Variants in GPC6 observed in about 807,000 individuals in gnomAD.
GPC6 encodes glypican-6.
Under a neutral mutation model 55.2 loss-of-function variants are expected in GPC6, and 14 were observed. That is an observed-to-expected ratio of 0.25 (90% CI 0.17 to 0.40). The LOEUF (loss-of-function observed/expected upper bound fraction) is 0.40, where lower values mean the gene tolerates loss of function less well. Ranked by LOEUF, GPC6 falls within the 10% of genes least tolerant of loss-of-function variation. The probability of loss-of-function intolerance (pLI) is 1.00; values close to 1 mark genes in which losing one functional copy is unlikely to be tolerated. For synonymous variants in GPC6, 278 were observed against 259.6 expected, an observed-to-expected ratio of 1.07 and a Z score of -0.68; for missense variants, 641 against 708.5, an observed-to-expected ratio of 0.90 and a Z score of 1.08.
chr13:94,372,985 A>G, intron 6 of GPC6, among the ~76,000 whole-genome samples: 2 of 152,204 alleles, frequency 1.3e-5, no homozygotes. Flanking sequence ...GTATTCCAAC[A>G]GACCTGCAGC....
At chr13:93,236,209 T>A (rs1358922878) in intron 1 of GPC6, among the ~76,000 whole-genome samples, 1 of 152,188 alleles carries the variant, frequency 6.6e-6, no homozygotes, top group Admixed American at 6.5e-5. Context: ...GCTTAGCTAA[T>A]CTTCATTATC....
At chr13:94,131,082 AT>A (rs908694468) in intron 4 of GPC6, among the ~76,000 whole-genome samples, 9 of 152,106 alleles carry the variant, frequency 5.9e-5, no homozygotes, top group African/African-American at 2.2e-4. Flanking sequence ...ACCTACACAG[AT>A]TTTCAAGGCA....
intron 1 of GPC6, among the ~76,000 whole-genome samples, chr13:93,340,675 A>G (rs1880224757): frequency 6.6e-6 from 1 of 152,188 alleles, no homozygotes; most frequent in Non-Finnish European, 1.5e-5. Context: ...GGTGAGCTGC[A>G]GAAGAATGGC....
intron 3 of GPC6, among the ~76,000 whole-genome samples, chr13:93,889,968 A>C (rs995400566): frequency 3.3e-5 from 5 of 152,124 alleles, no homozygotes; most frequent in Admixed American, 6.6e-5. Context: ...AGAATCATTA[A>C]ATCAAAAAAA....
At chr13:94,241,794 C>A (rs994313375) in intron 4 of GPC6, among the ~76,000 whole-genome samples, 1 of 152,048 alleles carries the variant, frequency 6.6e-6, no homozygotes, top group African/African-American at 2.4e-5. Flanking sequence ...TTATCTCTAC[C>A]CCTAAATGTG....
intron 2 of GPC6, among the ~76,000 whole-genome samples, chr13:93,600,173 G>A (rs1219921579): frequency 6.6e-6 from 1 of 152,154 alleles, no homozygotes; most frequent in African/African-American, 2.4e-5. Flanking sequence ...AATAAATACT[G>A]TTATTTATCT....
Position 93,698,466 on chromosome 13 carries a change from A to G in GPC6, c.320-131688A>G, listed in dbSNP as rs183154455. ...ATTTTTATTTTTGTTTGTTTTATCT[A>G]TTCTGCTACTGTGTGGGTCTTTTTT... is the stretch of plus-strand genomic sequence containing the variant. On this transcript the variant is annotated intron_variant, in intron 2 of 8. Coordinates refer to ENST00000377047, the MANE Select transcript of GPC6 (RefSeq NM_005708.5). 1.7e-3 allele frequency among the ~76,000 whole-genome samples: 86 copies of G among 49,468 alleles called. 1 individual carries two copies. The highest frequency in any genetic ancestry group is 0.013 in the Middle Eastern group (1 of 78). The allele number at this position is 49,468 out of a possible 152,430, so 32.5% of individuals were successfully genotyped here.
At chr13:93,323,232 G>T (rs2025946) in intron 1 of GPC6, among the ~76,000 whole-genome samples, 37,543 of 151,920 alleles carry the variant, frequency 0.25, 4,902 homozygotes, top group East Asian at 0.39. Context: ...ATATTTTTGT[G>T]ATGCTCACCA....
At chr13:93,851,355 G>T (rs1319274343) in intron 3 of GPC6, among the ~76,000 whole-genome samples, 2 of 151,930 alleles carry the variant, frequency 1.3e-5, no homozygotes, top group African/African-American at 4.8e-5. Flanking sequence ...CTAAGGAAAT[G>T]GTGTTTGCAG....
chr13:93,326,940 C>A (rs1041050291), intron 1 of GPC6, among the ~76,000 whole-genome samples: 3 of 152,106 alleles, frequency 2.0e-5, no homozygotes, highest in Non-Finnish European at 4.4e-5. Flanking sequence ...TATTCTGAGC[C>A]TGCACTAAAA....
chr13:93,945,748 A>AGTCCCACACTTTCACTGATTGTTGCT (rs1878978478), intron 3 of GPC6, among the ~76,000 whole-genome samples: 1 of 152,186 alleles, frequency 6.6e-6, no homozygotes, highest in South Asian at 2.1e-4. Flanking sequence ...TTGTATATTC[A>AGTCCCACACTTTCACTGATTGTTGCT]GTCCCACACT....
intron 4 of GPC6, among the ~76,000 whole-genome samples, chr13:94,044,774 T>C (rs1883666690): frequency 6.6e-6 from 1 of 151,834 alleles, no homozygotes; most frequent in African/African-American, 2.4e-5. Context: ...TTCCCCAGAA[T>C]CTCATAAGAC....
At chr13:93,637,902 G>C (rs1455851052) in intron 2 of GPC6, among the ~76,000 whole-genome samples, 1 of 152,092 alleles carries the variant, frequency 6.6e-6, no homozygotes, top group Non-Finnish European at 1.5e-5. Flanking sequence ...TCATATTAGA[G>C]ATGACAAATG....
At chr13:94,366,173 G>T (rs1479883551) in intron 6 of GPC6, among the ~76,000 whole-genome samples, 1 of 152,202 alleles carries the variant, frequency 6.6e-6, no homozygotes, top group Admixed American at 6.5e-5. Context: ...CAAAGGCCCT[G>T]TGAAGGGGTT....
chr13:93,950,011 G>A (rs764543993), intron 3 of GPC6, among the ~76,000 whole-genome samples: 5 of 152,244 alleles, frequency 3.3e-5, no homozygotes, highest in East Asian at 1.9e-4. Context: ...GACATGAGCC[G>A]CTGCACCCAG....
At chr13:93,449,292 C>A (rs1378273685) in intron 1 of GPC6, among the ~76,000 whole-genome samples, 1 of 152,186 alleles carries the variant, frequency 6.6e-6, no homozygotes, top group South Asian at 2.1e-4. Context: ...TTAGGAATTA[C>A]AGGCATTGTG....
intron 1 of GPC6, among the ~76,000 whole-genome samples, chr13:93,367,137 A>G (rs1034355170): frequency 6.6e-6 from 1 of 152,156 alleles, no homozygotes; most frequent in Non-Finnish European, 1.5e-5. Context: ...ACCAGAAGTT[A>G]GGTGAAAAAC....
intron 3 of GPC6, among the ~76,000 whole-genome samples, chr13:93,924,696 C>CTTTTTTTT (rs10710851): frequency 1.6e-5 from 2 of 128,562 alleles, no homozygotes; most frequent in Non-Finnish European, 3.4e-5. Context: ...TCTTTCTTTT[C>CTTTTTTTT]TTTTTTTTTT....
chr13:93,655,655 A>C (rs1880629958), intron 2 of GPC6, among the ~76,000 whole-genome samples: 1 of 152,200 alleles, frequency 6.6e-6, no homozygotes, highest in Admixed American at 6.5e-5. Context: ...ATACTAACAA[A>C]TCAGTTAAAT....
Sources: gnomAD v4.1 joint callset for allele counts (sites outside exome capture counted in the v4.1 genomes callset) on GRCh38, gnomAD v4.1.1 for gene constraint, MANE v1.5 for transcripts, NCBI Gene and HGNC (gene_info 2026-07-23, HGNC 2026-07-21) for gene names.